The following DDX23 variants were observed in gnomAD, a reference collection of about 807,000 sequenced individuals.
DDX23 encodes DEAD-box helicase 23.
Under a neutral mutation model 102.7 loss-of-function variants are expected in DDX23, and 33 were observed. The ratio of observed to expected loss-of-function variants is 0.32; its 90% CI spans 0.24 to 0.43. DDX23 has a LOEUF of 0.43. DDX23 is among the 20% of genes least tolerant of loss of function. The pLI is 1.00. For synonymous variants in DDX23, 352 were observed against 376.0 expected (o/e 0.94, Z 0.74); for missense variants, 549 against 1,086.6 (o/e 0.51, Z 6.96).
rs1189879416 is a variant in DDX23 at position 48,837,936 on chromosome 12, A to G, written c.619+6T>C. 1 of 1,612,508 alleles carries G rather than the reference A, an allele frequency of 6.2e-7. No homozygotes were observed. ...TCTAGGGGCTACACAGGGTAGAATA[A>G]CAAACCCAACATCTTCCTGCCCAAG... On this transcript the variant is annotated splice_donor_region_variant and intron_variant, in intron 6 of 16. Transcript: ENST00000308025.
chr12:48,847,458 T>C (rs1393851424), intron 1 of DDX23: 1 of 149,508 alleles, frequency 6.7e-6, no homozygotes, highest in Non-Finnish European at 1.5e-5. Flanking sequence ...GAGGTTGCAG[T>C]GAGCCAAGAT....
At chr12:48,835,170 A>G in intron 11 of DDX23, 1 of 270,358 alleles carries the variant, frequency 3.7e-6, no homozygotes, top group Non-Finnish European at 7.9e-6. Flanking sequence ...TGAGCCTGGG[A>G]GGCAACGGTT....
At chr12:48,842,224 G>T (rs1221695925) in intron 3 of DDX23, among the ~76,000 whole-genome samples, 1 of 149,966 alleles carries the variant, frequency 6.7e-6, no homozygotes, top group Admixed American at 6.6e-5. Flanking sequence ...GGAGGGAGGT[G>T]GGGGGGTCAT....
Position 48,851,366 on chromosome 12 carries a change from G to A in DDX23, c.-1+718C>T, listed in dbSNP as rs563114294. On this transcript the variant is annotated intron_variant, in intron 1 of 16. Transcript: ENST00000308025. ...CGTGCGCCTGTAATCACAGCTACTC[G>A]GGAGGCTGAGACAGGAGAATCGCTT... Among the ~76,000 whole-genome samples, 4 of 152,230 alleles carry A rather than the reference G, an allele frequency of 2.6e-5. No individual in the cohort carries two copies. In the East Asian group the frequency reaches 7.7e-4, roughly 29 times the overall value.
At chr12:48,839,951 C>T in intron 4 of DDX23, 42 bp from the exon 5 acceptor site, 1 of 1,613,654 alleles carries the variant, frequency 6.2e-7, no homozygotes, top group Non-Finnish European at 8.5e-7. Flanking sequence ...GGCTCTCTCC[C>T]TTTAAAGATC....
chr12:48,833,412 G>A lies in DDX23; in HGVS notation c.1668C>T (p.Asp556=), dbSNP rs556678477. 1 of 1,614,214 alleles carries A rather than the reference G, an allele frequency of 6.2e-7. No individual in the cohort carries two copies. Among genetic ancestry groups the A allele is most frequent in the Admixed American group, 1.7e-5 (1 of 60,022 alleles). Residue 556 remains aspartate (D), a synonymous_variant, in exon 13 of 17, where the codon GAC becomes GAT. Coordinates refer to ENST00000308025, the MANE Select transcript of DDX23 (RefSeq NM_004818.3). ...TCTGGACATCTGGCTCAAAGCCCAT[G>A]TCAATCATCCTATCTGCCTCATCCA... The part of the protein sequence containing the change: ...VVLDEADRMI[D]MGFEPDVQKI...
At chr12:48,839,954 TAAAGA>T (rs1441251444) in intron 4 of DDX23, 45 bp from the exon 5 acceptor site, 4 of 1,613,474 alleles carry the variant, frequency 2.5e-6, no homozygotes, top group Non-Finnish European at 3.4e-6. Flanking sequence ...TCTCTCCCTT[TAAAGA>T]TCAACAAAGC....
chr12:48,837,271 A>G lies in DDX23; in HGVS notation c.866+10T>C, dbSNP rs1236229583. 1 of 1,612,326 alleles carries G rather than the reference A, an allele frequency of 6.2e-7. No homozygotes were observed. Among genetic ancestry groups the G allele is most frequent in the Admixed American group, 1.7e-5 (1 of 59,990 alleles). ...GAAAAGACCTAGAACTCAGGCCTGA[A>G]GCCACTCACAGGGGGTTGTAGTCAA... On this transcript the variant is annotated intron_variant, in intron 8 of 16. Coordinates refer to ENST00000308025, the MANE Select transcript of DDX23 (RefSeq NM_004818.3).
chr12:48,851,854 G>A (rs1592207195), intron 1 of DDX23, among the ~76,000 whole-genome samples: 1 of 152,378 alleles, frequency 6.6e-6, no homozygotes, highest in African/African-American at 2.4e-5. Context: ...CCCATAGGCA[G>A]AGTCCTGGGA....
chr12:48,849,941 G>A (rs1938731405), intron 1 of DDX23, among the ~76,000 whole-genome samples: 1 of 152,216 alleles, frequency 6.6e-6, no homozygotes, highest in Non-Finnish European at 1.5e-5. Context: ...AATGCAGGAG[G>A]AATACTGATT....
chr12:48,840,760 C>G (rs1938537222), intron 3 of DDX23, among the ~76,000 whole-genome samples: 1 of 151,326 alleles, frequency 6.6e-6, no homozygotes, highest in South Asian at 2.1e-4. Context: ...ATCATGTTGG[C>G]CAGGCTGGTC....
chr12:48,833,834 G>C (rs1354119957), intron 12 of DDX23, among the ~76,000 whole-genome samples: 69 of 152,044 alleles, frequency 4.5e-4, no homozygotes, highest in Non-Finnish European at 2.1e-4. Flanking sequence ...GAGAGACTAA[G>C]GGGTACTATG....
chr12:48,851,362 A>G (rs1456047791), intron 1 of DDX23, among the ~76,000 whole-genome samples: 2 of 152,014 alleles, frequency 1.3e-5, no homozygotes, highest in Non-Finnish European at 2.9e-5. Flanking sequence ...AATCACAGCT[A>G]CTCGGGAGGC....
chr12:48,841,168 C>T (rs941930809), intron 3 of DDX23, among the ~76,000 whole-genome samples: 1 of 151,936 alleles, frequency 6.6e-6, no homozygotes, highest in South Asian at 2.1e-4. Flanking sequence ...GCCGGATCAC[C>T]TAAGGTCAAG....
rs1938618739 is a variant in DDX23, at chr12:48,843,970, T to TGCCCA, written c.285_289dup (p.His97LeufsTer80). The TGCCCA allele has an allele frequency of 6.2e-7, 1 of 1,614,076 alleles. No homozygotes were observed. The highest frequency in any genetic ancestry group is 1.7e-5 in the Admixed American group (1 of 60,002). ...TCGTTTACGGTCCTTGTCCCGTCTG[T>TGCCCA]GCCCATCCTTGTCTCGATCTCGGTC... On this transcript the variant is annotated frameshift_variant, in exon 3 of 17. Transcript: ENST00000308025. LOFTEE classifies it high-confidence loss of function.
intron 3 of DDX23, among the ~76,000 whole-genome samples, chr12:48,843,485 GAA>G (rs754681112): frequency 6.8e-5 from 10 of 146,662 alleles, no homozygotes; most frequent in Non-Finnish European, 1.5e-4. Flanking sequence ...AAATAAATAA[GAA>G]AGAGAGCTCT....
At chr12:48,847,512 C>CA (rs992632357) in intron 1 of DDX23, among the ~76,000 whole-genome samples, 12,402 of 109,936 alleles carry the variant, frequency 0.11, 634 homozygotes, top group Middle Eastern at 0.2. Flanking sequence ...TGATCCGTTT[C>CA]AAAAAAAAAA....
intron 3 of DDX23, among the ~76,000 whole-genome samples, chr12:48,841,974 A>C (rs1348321071): frequency 1.3e-5 from 2 of 151,198 alleles, no homozygotes; most frequent in Non-Finnish European, 1.5e-5. Context: ...CTGGGATGTG[A>C]GGAGCGTCTC....
chr12:48,837,959 A>G lies in DDX23; in HGVS notation c.602T>C (p.Leu201Ser). 1 of 1,613,070 alleles carries G rather than the reference A, an allele frequency of 6.2e-7. No homozygotes were observed. Among genetic ancestry groups the G allele is most frequent in the Non-Finnish European group, 8.5e-7 (1 of 1,180,024 alleles). Residue 201 changes from leucine (L) to serine (S), a missense_variant, in exon 6 of 17, where the codon TTG becomes TCG. By Grantham distance (145) the Leu-to-Ser change is moderately radical. Transcript: ENST00000308025. ...ERKKRKQFQD[L>S]GRKMLEDPQE... ...TAACAAACCCAACATCTTCCTGCCC[A>G]AGTCTTGGAACTGTTTCCTTTTCTT... is the stretch of plus-strand genomic sequence containing the variant.
Sources: gnomAD v4.1 joint callset for allele counts (sites outside exome capture counted in the v4.1 genomes callset) on GRCh38, gnomAD v4.1.1 for gene constraint, MANE v1.5 for transcripts, NCBI Gene and HGNC (gene_info 2026-07-23, HGNC 2026-07-21) for gene names.